PTPRB: variants seen among roughly 807,000 people sequenced by gnomAD.
PTPRB encodes the protein protein tyrosine phosphatase receptor type B, also known as receptor-type tyrosine-protein phosphatase beta.
PTPRB carries 97 observed loss-of-function variants against 238.1 expected under a neutral mutation model. The observed-to-expected ratio is 0.41, with a 90% CI of 0.35 to 0.48. PTPRB has a LOEUF of 0.48. Ranked by LOEUF, PTPRB falls within the 20% of genes least tolerant of loss-of-function variation. PTPRB has a pLI of 0.30. For missense variants in PTPRB, 2,292 were observed against 2,681.9 expected, an observed-to-expected ratio of 0.85 and a Z score of 3.21; for synonymous variants, 970 against 995.4, an observed-to-expected ratio of 0.97 and a Z score of 0.48.
At chr12:70,629,572 A>C (rs61930334) in intron 2 of PTPRB, among the ~76,000 whole-genome samples, 9,699 of 152,308 alleles carry the variant, frequency 0.064, 351 homozygotes, top group South Asian at 0.14. Flanking sequence ...AAAAGCTAGC[A>C]GAAGGTAAGA....
chr12:70,529,888 A>G (rs945534370), intron 32 of PTPRB, among the ~76,000 whole-genome samples: 1 of 152,134 alleles, frequency 6.6e-6, no homozygotes, highest in South Asian at 2.1e-4. Context: ...AGCACCACCC[A>G]TGAAGCATTG....
chr12:70,588,109 A>G lies in PTPRB; in HGVS notation c.2051-842T>C, dbSNP rs111328867. Among the ~76,000 whole-genome samples the G allele has an allele frequency of 2.3e-3, 316 of 137,052 alleles. 5 individuals carry two copies. In the East Asian group the frequency reaches 0.023, roughly 10 times the overall value. The allele number at this position is 137,052 out of a possible 152,430, so 89.9% of individuals were successfully genotyped here. Reference sequence around the variant, plus strand: ...AGACTCTGTCTCAAAAAAAAAAAAAAAAAAGAAAAGAAAAGAAAAGAAAAG... The same window carrying G: ...AGACTCTGTCTCAAAAAAAAAAAAAGAAAAGAAAAGAAAAGAAAAGAAAAG... On this transcript the variant is annotated intron_variant, in intron 8 of 33. Coordinates refer to ENST00000334414, the MANE Select transcript of PTPRB (RefSeq NM_001109754.4).
chr12:70,566,081 C>T (rs1193216744), intron 15 of PTPRB, among the ~76,000 whole-genome samples: 1 of 152,130 alleles, frequency 6.6e-6, no homozygotes, highest in Non-Finnish European at 1.5e-5. Context: ...AGAAACACAG[C>T]CCTGTTGTCT....
rs191721530 is a variant in PTPRB, at chr12:70,561,951, A to G, written c.4168+893T>C. Among the ~76,000 whole-genome samples the G allele has an allele frequency of 1.8e-4, 28 of 152,316 alleles. No homozygotes were observed. In the East Asian group the frequency reaches 4.4e-3, roughly 24 times the overall value. ...GTGCCTGGCACAGAAGAGCACCTAA[A>G]ACTATTGTCAAATGAGAAAAAAGAA... On this transcript the variant is annotated intron_variant, in intron 16 of 33. Coordinates refer to ENST00000334414, the MANE Select transcript of PTPRB (RefSeq NM_001109754.4).
chr12:70,532,073 C>T lies in PTPRB; in HGVS notation c.6466G>A (p.Asp2156Asn), dbSNP rs201718759. 6.6e-4 allele frequency: 1,064 copies of T among 1,613,816 alleles called. 1 individual carries two copies. The highest frequency in any genetic ancestry group is 8.7e-4 in the Non-Finnish European group (1,032 of 1,179,908). The change falls in exon 32 of 34, where the codon GAC becomes AAC. Residue 2156 changes from aspartate (D) to asparagine (N), a missense_variant. This residue lies in a region of PTPRB where 397 missense variants were observed against 502.0 expected (regional missense o/e 0.79). Coordinates refer to ENST00000334414, the MANE Select transcript of PTPRB (RefSeq NM_001109754.4). Reference sequence around the variant, plus strand: ...ATGTGAACCCTGTGAAGTCTTAGGTCGTGCACTGCTCCATAAATGTCCACA... The same window carrying T: ...ATGTGAACCCTGTGAAGTCTTAGGTTGTGCACTGCTCCATAAATGTCCACA... Reference protein sequence around the residue: ...DSVDIYGAVHDLRLHRVHMVQ... With the variant: ...DSVDIYGAVHNLRLHRVHMVQ...
At chr12:70,589,579 T>C (rs1378973661) in intron 8 of PTPRB, among the ~76,000 whole-genome samples, 3 of 152,178 alleles carry the variant, frequency 2.0e-5, no homozygotes, top group African/African-American at 7.2e-5. Flanking sequence ...CCTCTCCACT[T>C]TAATCACTCT....
At position 70,614,040 on chromosome 12, in the gene PTPRB, A is replaced by C. The variant is rs980326648; in HGVS notation, c.709-4701T>G. Reference sequence around the variant, plus strand: ...GAGGGAAGATGAAAGGAGGAAAAGGAGAAGGAGGAGGGAGGCAGTACCCGT... The same window carrying C: ...GAGGGAAGATGAAAGGAGGAAAAGGCGAAGGAGGAGGGAGGCAGTACCCGT... On this transcript the variant is annotated intron_variant, in intron 3 of 33. Transcript: ENST00000334414. Among the ~76,000 whole-genome samples the C allele has an allele frequency of 9.9e-5, 15 of 152,180 alleles. 1 individual carries two copies. Among genetic ancestry groups the C allele is most frequent in the Admixed American group, 9.2e-4 (14 of 15,270 alleles).
At chr12:70,581,840 T>A (rs1346450407) in intron 9 of PTPRB, among the ~76,000 whole-genome samples, 1 of 151,104 alleles carries the variant, frequency 6.6e-6, no homozygotes, top group Non-Finnish European at 1.5e-5. Context: ...AAAATAATGA[T>A]AATAACAACA....
chr12:70,606,661 T>C (rs1297646631), intron 4 of PTPRB, among the ~76,000 whole-genome samples: 1 of 152,228 alleles, frequency 6.6e-6, no homozygotes, highest in African/African-American at 2.4e-5. Flanking sequence ...TTAATAACAG[T>C]AAAATATGAT....
In PTPRB at chr12:70,633,448, A is replaced by G. The variant is rs534615161; in HGVS notation, c.451+2223T>C. On this transcript the variant is annotated intron_variant, in intron 2 of 33. Coordinates refer to ENST00000334414, the MANE Select transcript of PTPRB (RefSeq NM_001109754.4). Reference sequence around the variant, plus strand: ...GAGCAAGACTTTGTTTCTAAAAACAAAAACCAAAGAAAAAACAAAAACAAA... The same window carrying G: ...GAGCAAGACTTTGTTTCTAAAAACAGAAACCAAAGAAAAAACAAAAACAAA... 4.6e-5 allele frequency among the ~76,000 whole-genome samples: 7 copies of G among 152,290 alleles called. No homozygotes were observed. The East Asian group carries it at 1.2e-3, about 25-fold the overall frequency.
At chr12:70,531,756 TG>T (rs3214706) in intron 32 of PTPRB, among the ~76,000 whole-genome samples, 53,552 of 151,764 alleles carry the variant, frequency 0.35, 9,736 homozygotes, top group East Asian at 0.53. Flanking sequence ...GGAGTGGGGC[TG>T]GGGGAGAGAA....
At chr12:70,600,739 G>A (rs747314522) in intron 4 of PTPRB, among the ~76,000 whole-genome samples, 9 of 151,922 alleles carry the variant, frequency 5.9e-5, no homozygotes, top group East Asian at 1.9e-4. Flanking sequence ...TCTGTCACCC[G>A]GGCTGGAGTC....
At chr12:70,544,038 G>A (rs1194503371) in intron 22 of PTPRB, among the ~76,000 whole-genome samples, 1 of 152,178 alleles carries the variant, frequency 6.6e-6, no homozygotes, top group Non-Finnish European at 1.5e-5. Flanking sequence ...GTCTCTTTCA[G>A]AAATTGTTAT....
At chr12:70,528,431 G>C (rs1341961687) in intron 32 of PTPRB, among the ~76,000 whole-genome samples, 4 of 152,088 alleles carry the variant, frequency 2.6e-5, no homozygotes, top group Non-Finnish European at 5.9e-5. Flanking sequence ...TTAGGGCAGA[G>C]CTGGAGGCAG....
At chr12:70,589,820 C>A in intron 8 of PTPRB, 144 bp downstream of exon 8, 1 of 711,884 alleles carries the variant, frequency 1.4e-6, no homozygotes, top group Non-Finnish European at 2.2e-6. Context: ...TGTTAGAAAC[C>A]CCATGTTAGC....
chr12:70,587,522 T>C (rs1882040524), intron 8 of PTPRB, among the ~76,000 whole-genome samples: 1 of 152,246 alleles, frequency 6.6e-6, no homozygotes, highest in Admixed American at 6.5e-5. Flanking sequence ...TTTGAGTTTA[T>C]CTTTTTGTAT....
At chr12:70,622,303 G>A in intron 3 of PTPRB, 87 bp downstream of exon 3, 1 of 1,539,952 alleles carries the variant, frequency 6.5e-7, no homozygotes, top group Non-Finnish European at 8.8e-7. Flanking sequence ...TACTGCAGCA[G>A]TGGCATTTTT....
chr12:70,562,692 G>T (rs146185235), intron 16 of PTPRB, among the ~76,000 whole-genome samples, 152 bp downstream of exon 16: 2 of 152,182 alleles, frequency 1.3e-5, no homozygotes, highest in Non-Finnish European at 2.9e-5. Flanking sequence ...ATAATCAAAG[G>T]TGCGATTTAG....
In PTPRB at chr12:70,587,002, A is replaced by C; in HGVS notation, c.2311+5T>G. On this transcript the variant is annotated splice_donor_5th_base_variant and intron_variant, in intron 9 of 33. Transcript: ENST00000334414. ...TTAAAATGTAAAATTTATAAAGGTT[A>C]CTACCTGTTCTTCCTTTTACTGAAG... The C allele has an allele frequency of 8.1e-6, 13 of 1,609,580 alleles. No individual in the cohort carries two copies. Among genetic ancestry groups the C allele is most frequent in the Non-Finnish European group, 1.0e-5 (12 of 1,176,550 alleles).
Sources: gnomAD v4.1 joint callset for allele counts (sites outside exome capture counted in the v4.1 genomes callset) on GRCh38, gnomAD v4.1.1 for gene constraint, gnomAD v4.1.1 regional missense constraint, MANE v1.5 for transcripts, NCBI Gene and HGNC (gene_info 2026-07-23, HGNC 2026-07-21) for gene names.